The following TANGO6 variants were observed in gnomAD, a reference collection of about 807,000 sequenced individuals.
TANGO6 encodes transport and golgi organization 6 homolog, also known as transport and Golgi organization protein 6 homolog.
Under a neutral mutation model 114.2 loss-of-function variants are expected in TANGO6, and 90 were observed. The observed-to-expected ratio is 0.79, with a 90% CI of 0.66 to 0.94. The LOEUF (loss-of-function observed/expected upper bound fraction) is 0.94, where lower values mean the gene tolerates loss of function less well. Ranked by LOEUF, TANGO6 falls within the 40% of genes least tolerant of loss-of-function variation. TANGO6 has a pLI of 0.00. For missense variants in TANGO6, 1,274 were observed against 1,315.3 expected (o/e 0.97, Z 0.49); for synonymous variants, 477 against 509.8 (o/e 0.94, Z 0.87).
chr16:69,060,089 C>G (rs529102229), intron 17 of TANGO6, among the ~76,000 whole-genome samples: 2 of 152,324 alleles, frequency 1.3e-5, no homozygotes, highest in South Asian at 4.1e-4. Context: ...CGAATGCCTT[C>G]CTTCCCCCAG....
At chr16:68,958,749 C>T (rs560760285) in intron 14 of TANGO6, among the ~76,000 whole-genome samples, 1 of 151,986 alleles carries the variant, frequency 6.6e-6, no homozygotes, top group Non-Finnish European at 1.5e-5. Context: ...GCCTAGGCAG[C>T]ATAGCAAGGT....
rs781643911 is a variant in TANGO6 at position 68,875,196 on chromosome 16, A to T, written c.1037A>T (p.Asp346Val). ...GGSDAEVTAA[D>V]WKKCDLIAKI... The stretch of plus-strand genomic sequence containing the variant: ...AGTGATGCTGAGGTGACGGCTGCTG[A>T]CTGGAAGAAGTGTGACCTGATCGCA... The change falls in exon 5 of 18, where the codon GAC becomes GTC. Residue 346 changes from aspartate (D) to valine (V), a missense_variant. Physicochemically the swap from Asp to Val is radical, Grantham distance 152. Around this residue, in one of 5 missense-constraint regions of TANGO6, gnomAD observed 908 missense variants for 910.2 expected, o/e 1.00. Coordinates refer to ENST00000261778, the MANE Select transcript of TANGO6 (RefSeq NM_024562.2). 1.2e-6 allele frequency: 2 copies of T among 1,613,310 alleles called. No individual in the cohort carries two copies. Among genetic ancestry groups the T allele is most frequent in the African/African-American group, 2.7e-5 (2 of 74,880 alleles).
intron 14 of TANGO6, among the ~76,000 whole-genome samples, chr16:68,932,184 G>A (rs548697127): frequency 3.9e-4 from 60 of 152,060 alleles, no homozygotes; most frequent in African/African-American, 1.4e-3. Context: ...TCCGCCTCCC[G>A]GGTTCAAGCG....
intron 9 of TANGO6, 124 bp from the exon 10 acceptor site, chr16:68,907,319 T>G: frequency 9.5e-7 from 1 of 1,057,898 alleles, no homozygotes; most frequent in East Asian, 2.7e-5. Flanking sequence ...TAAATAAATT[T>G]GGGGGATCTT....
At chr16:68,932,087 TA>T (rs201752761) in intron 14 of TANGO6, among the ~76,000 whole-genome samples, 14 of 151,728 alleles carry the variant, frequency 9.2e-5, no homozygotes, top group East Asian at 3.9e-4. Context: ...AAAAATACAA[TA>T]AAAAAAATTT....
intron 17 of TANGO6, among the ~76,000 whole-genome samples, chr16:69,080,293 G>A (rs1960445758): frequency 6.6e-6 from 1 of 152,118 alleles, no homozygotes; most frequent in African/African-American, 2.4e-5. Context: ...AAAGGTAAGG[G>A]AAGGCTGGGC....
At chr16:68,882,933 A>G (rs531200742) in intron 7 of TANGO6, among the ~76,000 whole-genome samples, 7 of 152,078 alleles carry the variant, frequency 4.6e-5, no homozygotes, top group Admixed American at 3.9e-4. Context: ...CAGGAGAATC[A>G]CTTGAACCCG....
At chr16:68,883,576 A>G (rs1360875474) in intron 7 of TANGO6, among the ~76,000 whole-genome samples, 2 of 152,224 alleles carry the variant, frequency 1.3e-5, no homozygotes, top group African/African-American at 2.4e-5. Context: ...CATAATAGCC[A>G]TAATAACATT....
chr16:69,063,595 A>T (rs970117841), intron 17 of TANGO6, among the ~76,000 whole-genome samples: 4 of 137,766 alleles, frequency 2.9e-5, no homozygotes, highest in African/African-American at 5.2e-5. Flanking sequence ...CTGAGGCTGG[A>T]GAATCGCTTG....
At chr16:69,036,779 A>G (rs1362616751) in intron 16 of TANGO6, among the ~76,000 whole-genome samples, 1 of 152,124 alleles carries the variant, frequency 6.6e-6, no homozygotes, top group Non-Finnish European at 1.5e-5. Flanking sequence ...CCTGGGCAAC[A>G]TGGCAAAACT....
chr16:68,930,341 CT>C, intron 14 of TANGO6, 46 bp downstream of exon 14: 1 of 1,476,158 alleles, frequency 6.8e-7, no homozygotes, highest in Non-Finnish European at 9.3e-7. Flanking sequence ...GGACCAGAGA[CT>C]GTATCATGTT....
Position 68,875,247 on chromosome 16 carries a change from A to T in TANGO6, c.1088A>T (p.Gln363Leu). 6.2e-7 allele frequency: 1 copy of T among 1,613,824 alleles called. No homozygotes were observed. Among genetic ancestry groups the T allele is most frequent in the African/African-American group, 1.3e-5 (1 of 75,048 alleles). ...IAKILASCPQ[Q>L]SLSPENYYRD... ...AAGATTTTGGCCTCTTGTCCCCAGC[A>T]GTCTCTTTCACCAGAGAATTACTAC... Residue 363 changes from glutamine to leucine, a missense_variant, in exon 5 of 18, where the codon CAG (glutamine) becomes CTG (leucine). Transcript: ENST00000261778.
chr16:68,963,906 C>T (rs571618271), intron 14 of TANGO6, among the ~76,000 whole-genome samples: 1 of 152,180 alleles, frequency 6.6e-6, no homozygotes, highest in African/African-American at 2.4e-5. Context: ...TGTCTTTTTC[C>T]TTGGTTGTGG....
At chr16:68,879,858 C>T (rs1056534717) in intron 6 of TANGO6, among the ~76,000 whole-genome samples, 2 of 151,932 alleles carry the variant, frequency 1.3e-5, no homozygotes, top group East Asian at 1.9e-4. Context: ...CCTTGTGATC[C>T]GCCTGCCTCG....
At chr16:68,920,893 CAGG>C (rs1275368331) in intron 12 of TANGO6, among the ~76,000 whole-genome samples, 1 of 151,756 alleles carries the variant, frequency 6.6e-6, no homozygotes, top group Non-Finnish European at 1.5e-5. Flanking sequence ...GTGGGCGGAT[CAGG>C]AGGTCAGGAG....
At chr16:68,968,781 C>A (rs2152211404) in intron 14 of TANGO6, among the ~76,000 whole-genome samples, 1 of 151,782 alleles carries the variant, frequency 6.6e-6, no homozygotes. Context: ...CGCCATTCTC[C>A]TGCCTCAGCC....
chr16:68,875,131 A>C, intron 4 of TANGO6, 23 bp from the exon 5 acceptor site: 2 of 1,605,146 alleles, frequency 1.2e-6, no homozygotes, highest in Non-Finnish European at 1.7e-6. Context: ...GTGAGCTGCT[A>C]ACATCTCTCT....
At chr16:68,927,487 A>G in intron 12 of TANGO6, 81 bp from the exon 13 acceptor site, 4 of 1,480,162 alleles carry the variant, frequency 2.7e-6, no homozygotes, top group Non-Finnish European at 3.7e-6. Context: ...CTTTTTTCTC[A>G]GAATATGTTT....
chr16:69,016,903 C>T (rs1048987252), intron 15 of TANGO6, among the ~76,000 whole-genome samples: 4 of 152,070 alleles, frequency 2.6e-5, no homozygotes, highest in Non-Finnish European at 4.4e-5. Flanking sequence ...TCAGGTGATT[C>T]GCCCACCTCA....
Sources: gnomAD v4.1 joint callset for allele counts (sites outside exome capture counted in the v4.1 genomes callset) on GRCh38, gnomAD v4.1.1 for gene constraint, gnomAD v4.1.1 regional missense constraint, MANE v1.5 for transcripts, NCBI Gene and HGNC (gene_info 2026-07-23, HGNC 2026-07-21) for gene names.